The following ARL14EPL variants were observed in gnomAD, a reference collection of about 807,000 sequenced individuals.
The protein encoded by ARL14EPL is ARL14 effector protein-like.
In ARL14EPL, 17 loss-of-function variants were observed where a neutral mutation model predicts 15.9. The observed-to-expected ratio is 1.07, with a 90% confidence interval of 0.73 to 1.60. ARL14EPL has a LOEUF of 1.60. Ranked by LOEUF, ARL14EPL falls within the 40% of genes most tolerant of loss-of-function variation. ARL14EPL has a pLI of 0.00. For missense variants in ARL14EPL, 214 were observed against 185.9 expected (o/e 1.15, Z -0.88); for synonymous variants, 78 against 63.8 (o/e 1.22, Z -1.06).
At chr5:116,041,546 C>A (rs1175873386) in intron 1 of ARL14EPL, among the ~76,000 whole-genome samples, 2 of 152,120 alleles carry the variant, frequency 1.3e-5, no homozygotes, top group South Asian at 2.1e-4. Context: ...CACTTACCTG[C>A]TAGTCACTCC....
At chr5:116,045,121 G>A (rs563678958) in intron 1 of ARL14EPL, among the ~76,000 whole-genome samples, 1 of 152,210 alleles carries the variant, frequency 6.6e-6, no homozygotes, top group Admixed American at 6.5e-5. Flanking sequence ...GGAAAAACAA[G>A]CCACATCATG....
At chr5:116,051,885 C>G in intron 2 of ARL14EPL, 2 of 1,320,808 alleles carry the variant, frequency 1.5e-6, no homozygotes. Context: ...TTTATTTTTC[C>G]AAATGTACAG....
chr5:116,039,592 G>GA (rs1022763939), intron 1 of ARL14EPL, among the ~76,000 whole-genome samples: 1 of 151,486 alleles, frequency 6.6e-6, no homozygotes, highest in African/African-American at 2.4e-5. Context: ...ACATTAAGGG[G>GA]AAAAAAAGAA....
chr5:116,042,515 C>T (rs1274526009), intron 1 of ARL14EPL, among the ~76,000 whole-genome samples: 1 of 152,144 alleles, frequency 6.6e-6, no homozygotes, highest in Non-Finnish European at 1.5e-5. Flanking sequence ...CAACTCATAA[C>T]ACCTTCACAG....
intron 1 of ARL14EPL, among the ~76,000 whole-genome samples, chr5:116,049,084 C>T (rs1292782280): frequency 2.0e-5 from 3 of 152,194 alleles, no homozygotes; most frequent in African/African-American, 7.2e-5. Flanking sequence ...CATGCTTTCA[C>T]ACCATCATAA....
chr5:116,052,063 C>G, intron 2 of ARL14EPL: 1 of 1,613,382 alleles, frequency 6.2e-7, no homozygotes, highest in East Asian at 2.2e-5. Flanking sequence ...TCTTCAGTCT[C>G]TCAGAGACCA....
At chr5:116,052,528 T>C (rs544687326) in intron 2 of ARL14EPL, among the ~76,000 whole-genome samples, 9 of 152,328 alleles carry the variant, frequency 5.9e-5, no homozygotes, top group African/African-American at 2.2e-4. Flanking sequence ...CACTAGTACG[T>C]GGCAGAGCCA....
chr5:116,051,529 G>C lies in ARL14EPL; in HGVS notation c.64G>C (p.Glu22Gln). 6.5e-7 allele frequency: 1 copy of C among 1,535,412 alleles called. No individual in the cohort carries two copies. The highest frequency in any genetic ancestry group is 8.7e-7 in the Non-Finnish European group (1 of 1,146,266). The change falls in exon 2 of 4, where the codon GAG becomes CAG. Residue 22 changes from glutamate (E) to glutamine (Q), a missense_variant. Glu to Gln is a conservative substitution (Grantham distance 29). Coordinates refer to ENST00000686077, the MANE Select transcript of ARL14EPL (RefSeq NM_001195581.2). Reference sequence around the variant, plus strand: ...GAGACACACAGATCATAGTTTTCCTGAGAAGAACTGTCAAATTGGACAGAA... The same window carrying C: ...GAGACACACAGATCATAGTTTTCCTCAGAAGAACTGTCAAATTGGACAGAA... ...QERHTDHSFP[E>Q]KNCQIGQKQL...
At chr5:116,050,829 GCACACACACA>G (rs10612147) in intron 1 of ARL14EPL, among the ~76,000 whole-genome samples, 81 of 140,980 alleles carry the variant, frequency 5.7e-4, no homozygotes, top group African/African-American at 2.0e-3. Flanking sequence ...ACACACACAT[GCACACACACA>G]CACACACACA....
chr5:116,032,613 G>T (rs1425710620), intron 1 of ARL14EPL, 108 bp downstream of exon 1: 1 of 152,098 alleles, frequency 6.6e-6, no homozygotes, highest in Admixed American at 6.5e-5. Context: ...AGTTACTGTT[G>T]TTAATTTCTT....
chr5:116,039,652 T>C (rs1402192912), intron 1 of ARL14EPL, among the ~76,000 whole-genome samples: 1 of 151,566 alleles, frequency 6.6e-6, no homozygotes, highest in Non-Finnish European at 1.5e-5. Flanking sequence ...AACATGAAAA[T>C]ATACCCAAAG....
chr5:116,038,102 AG>A (rs1316951714), intron 1 of ARL14EPL, among the ~76,000 whole-genome samples: 2 of 152,212 alleles, frequency 1.3e-5, no homozygotes, highest in African/African-American at 4.8e-5. Context: ...TGAAAAAAAA[AG>A]TGCCTTATAT....
intron 1 of ARL14EPL, among the ~76,000 whole-genome samples, chr5:116,041,167 T>G (rs1749150490): frequency 6.6e-6 from 1 of 152,086 alleles, no homozygotes. Context: ...TTATAATTCA[T>G]GAGCCAATAT....
intron 1 of ARL14EPL, among the ~76,000 whole-genome samples, chr5:116,039,882 A>G (rs2112668067): frequency 6.6e-6 from 1 of 152,328 alleles, no homozygotes; most frequent in East Asian, 1.9e-4. Context: ...ATTCCTAGAA[A>G]AATATGATTT....
intron 1 of ARL14EPL, among the ~76,000 whole-genome samples, chr5:116,043,276 A>G (rs1209708411): frequency 6.6e-6 from 1 of 152,004 alleles, no homozygotes; most frequent in African/African-American, 2.4e-5. Context: ...ACTCATAAGC[A>G]TGAAGGTTTT....
intron 1 of ARL14EPL, among the ~76,000 whole-genome samples, chr5:116,050,930 G>T (rs1749363847): frequency 6.6e-6 from 1 of 151,934 alleles, no homozygotes; most frequent in African/African-American, 2.4e-5. Context: ...TAGCAGTGGG[G>T]TTTTATGAAA....
chr5:116,042,302 T>A (rs1749175038), intron 1 of ARL14EPL, among the ~76,000 whole-genome samples: 1 of 152,194 alleles, frequency 6.6e-6, no homozygotes, highest in South Asian at 2.1e-4. Context: ...AGGAACTGTG[T>A]CTTATTTGCC....
intron 1 of ARL14EPL, among the ~76,000 whole-genome samples, chr5:116,049,426 G>A (rs1269582944): frequency 6.6e-6 from 1 of 152,180 alleles, no homozygotes; most frequent in African/African-American, 2.4e-5. Flanking sequence ...TTGCATGTGA[G>A]AGTATCAAAG....
intron 1 of ARL14EPL, among the ~76,000 whole-genome samples, chr5:116,044,822 C>T (rs1023823881): frequency 2.6e-5 from 4 of 152,134 alleles, no homozygotes; most frequent in Non-Finnish European, 4.4e-5. Flanking sequence ...TGTAGAAGCA[C>T]CTTTGAGGCC....
Sources: gnomAD v4.1 joint callset for allele counts (sites outside exome capture counted in the v4.1 genomes callset) on GRCh38, gnomAD v4.1.1 for gene constraint, MANE v1.5 for transcripts, NCBI Gene and HGNC (gene_info 2026-07-23, HGNC 2026-07-21) for gene names.